MAP3K7CL: variants seen among roughly 807,000 people sequenced by gnomAD.
MAP3K7CL encodes the protein MAP3K7 C-terminal-like protein.
In MAP3K7CL, 16 loss-of-function variants were observed where a neutral mutation model predicts 18.6. The observed-to-expected ratio is 0.86, with a 90% CI of 0.58 to 1.31. The LOEUF (loss-of-function observed/expected upper bound fraction) is 1.31, where lower values mean the gene tolerates loss of function less well. MAP3K7CL is among the 50% of genes most tolerant of loss of function. The pLI, the probability that MAP3K7CL is intolerant of heterozygous loss-of-function variation, is 0.00. For synonymous variants in MAP3K7CL, 65 were observed against 66.8 expected (o/e 0.97, Z 0.13); for missense variants, 163 against 174.4 (o/e 0.93, Z 0.37).
At chr21:29,107,237 C>T (rs562210213) in intron 4 of MAP3K7CL, among the ~76,000 whole-genome samples, 87 of 152,256 alleles carry the variant, frequency 5.7e-4, no homozygotes, top group Middle Eastern at 3.4e-3. Context: ...ATTGCCTGAA[C>T]ACAGGAGGCG....
At chr21:29,112,092 A>G (rs552946622) in intron 4 of MAP3K7CL, among the ~76,000 whole-genome samples, 2 of 152,130 alleles carry the variant, frequency 1.3e-5, no homozygotes, top group African/African-American at 2.4e-5. Flanking sequence ...ACGTCAGGAG[A>G]TCAAGACCAT....
chr21:29,084,909 C>T (rs1014820562), upstream of MAP3K7CL, among the ~76,000 whole-genome samples: 17 of 152,064 alleles, frequency 1.1e-4, no homozygotes, highest in African/African-American at 4.1e-4. Context: ...TTAGGAAATG[C>T]AAGTGAGAAA....
chr21:29,161,504 T>C (rs1359268599), intron 4 of MAP3K7CL, among the ~76,000 whole-genome samples: 2 of 152,060 alleles, frequency 1.3e-5, no homozygotes, highest in African/African-American at 4.8e-5. Flanking sequence ...TATTTATAAA[T>C]ACATGAGGTT....
upstream of MAP3K7CL, among the ~76,000 whole-genome samples, chr21:29,084,075 G>A (rs1313654047): frequency 6.8e-6 from 1 of 147,708 alleles, no homozygotes; most frequent in Non-Finnish European, 1.5e-5. Context: ...TGTATAATAT[G>A]TATATATTTT....
chr21:29,077,531 G>C (rs889946699), upstream of MAP3K7CL: 1 of 156,110 alleles, frequency 6.4e-6, no homozygotes, highest in Non-Finnish European at 1.4e-5. Flanking sequence ...TGAGGGAGCC[G>C]GCTCCGGCCT....
intron 4 of MAP3K7CL, among the ~76,000 whole-genome samples, chr21:29,111,242 C>T (rs567179552): frequency 9.0e-4 from 137 of 151,410 alleles, no homozygotes; most frequent in African/African-American, 2.9e-3. Context: ...GGCGACAGAG[C>T]GAGACTCCTT....
In MAP3K7CL at chr21:29,174,722, A is replaced by G. The variant is rs1487352007; in HGVS notation, c.259A>G (p.Ile87Val). 1.2e-6 allele frequency: 2 copies of G among 1,614,056 alleles called. No homozygotes were observed. The highest frequency in any genetic ancestry group is 1.7e-6 in the Non-Finnish European group (2 of 1,180,024). The change falls in exon 5 of 5, where the codon ATT becomes GTT. Residue 87 changes from isoleucine (I) to valine (V), a missense_variant. By Grantham distance (29) the Ile-to-Val change is conservative. Transcript: ENST00000399928. ...TLLEQRKKEL[I>V]AKLDQAEKEK... ...ACCCCGAATCTTCAGGAAGGAGCTC[A>G]TTGCCAAGTTAGATCAGGCAGAAAA...
chr21:29,161,049 G>A (rs550856033), intron 4 of MAP3K7CL, among the ~76,000 whole-genome samples: 1 of 152,238 alleles, frequency 6.6e-6, no homozygotes, highest in South Asian at 2.1e-4. Context: ...AGTGGCCCAC[G>A]CCTATAATCC....
chr21:29,101,300 A>G (rs1218918290), intron 4 of MAP3K7CL, among the ~76,000 whole-genome samples: 1 of 152,152 alleles, frequency 6.6e-6, no homozygotes, highest in African/African-American at 2.4e-5. Flanking sequence ...CTTCATAATG[A>G]TTGATTTGGG....
intron 2 of MAP3K7CL, among the ~76,000 whole-genome samples, 166 bp from the exon 3 acceptor site, chr21:29,149,023 T>G (rs1235113917): frequency 6.6e-6 from 1 of 152,188 alleles, no homozygotes; most frequent in Non-Finnish European, 1.5e-5. Context: ...CACGCATCTG[T>G]GTGTACAGAA....
rs2085776667 is a variant in MAP3K7CL, at chr21:29,077,979, AT to A, written c.-49+269del. Reference sequence around the variant, plus strand: ...GATTCTGATAAGGACTCAGTTCACTATTTGTTTCTAGTTACTTTGTTTCTGT... The same window carrying A: ...GATTCTGATAAGGACTCAGTTCACTATTGTTTCTAGTTACTTTGTTTCTGT... On this transcript the variant is annotated intron_variant, in intron 1 of 7. Coordinates refer to the MAP3K7CL transcript ENST00000341618. 2.0e-5 allele frequency among the ~76,000 whole-genome samples: 3 copies of A among 151,994 alleles called. No homozygotes were observed. The South Asian group carries it at 6.2e-4, about 31-fold the overall frequency.
At chr21:29,143,110 C>G (rs550216869) in intron 2 of MAP3K7CL, among the ~76,000 whole-genome samples, 1 of 152,326 alleles carries the variant, frequency 6.6e-6, no homozygotes, top group South Asian at 2.1e-4. Context: ...CAGGTAGAAT[C>G]AACTTCATAA....
intron 4 of MAP3K7CL, among the ~76,000 whole-genome samples, chr21:29,111,721 A>ATT (rs1394248714): frequency 6.6e-6 from 1 of 152,166 alleles, no homozygotes; most frequent in Non-Finnish European, 1.5e-5. Context: ...GTAGAAAGGG[A>ATT]TTGAAGAGTC....
intron 1 of MAP3K7CL, among the ~76,000 whole-genome samples, chr21:29,089,196 A>AC (rs2085978845): frequency 1.4e-5 from 2 of 140,580 alleles, no homozygotes; most frequent in African/African-American, 5.3e-5. Context: ...AAAAAAAAAA[A>AC]AAAAAGACAC....
intron 2 of MAP3K7CL, among the ~76,000 whole-genome samples, chr21:29,135,693 C>G (rs896142953): frequency 2.6e-5 from 4 of 152,192 alleles, no homozygotes; most frequent in African/African-American, 9.6e-5. Context: ...TAGGAGCTCA[C>G]AGATGTTTTT....
chr21:29,084,051 T>C (rs2085884132), upstream of MAP3K7CL, among the ~76,000 whole-genome samples: 1 of 148,114 alleles, frequency 6.8e-6, no homozygotes, highest in Admixed American at 6.8e-5. Flanking sequence ...TATAATATTA[T>C]ATGTATATAT....
intron 1 of MAP3K7CL, among the ~76,000 whole-genome samples, chr21:29,131,760 T>A (rs891361491): frequency 2.0e-5 from 3 of 152,250 alleles, no homozygotes; most frequent in Admixed American, 2.0e-4. Flanking sequence ...ATAAGCCTGA[T>A]CTTTTTTCAT....
intron 1 of MAP3K7CL, among the ~76,000 whole-genome samples, chr21:29,077,963 A>G (rs2085776426): frequency 1.3e-5 from 2 of 152,194 alleles, no homozygotes; most frequent in South Asian, 4.1e-4. Flanking sequence ...GGATTCTGAT[A>G]AGGACTCAGT....
chr21:29,089,041 A>G (rs1022716067), intron 1 of MAP3K7CL, among the ~76,000 whole-genome samples: 1 of 152,008 alleles, frequency 6.6e-6, no homozygotes. Context: ...GTGGTGGTGC[A>G]TGCCTGTAGT....
Sources: allele counts gnomAD v4.1 joint callset (sites outside exome capture counted in the v4.1 genomes callset), GRCh38; gene constraint gnomAD v4.1.1; transcripts MANE v1.5; gene names NCBI Gene and HGNC (gene_info 2026-07-23, HGNC 2026-07-21).